Variants in ZNF71 observed in about 807,000 individuals in gnomAD.
The protein encoded by ZNF71 is endothelial zinc finger protein induced by tumor necrosis factor alpha.
A neutral mutation model predicts 6.7 loss-of-function variants in ZNF71; 3 were observed. That is an observed-to-expected ratio of 0.45 (90% CI 0.20 to 1.16). The LOEUF is 1.16. ZNF71 is among the 50% of genes most tolerant of loss of function. The pLI is 0.25. For missense variants in ZNF71, 688 were observed against 728.6 expected, an observed-to-expected ratio of 0.94 and a Z score of 0.64; for synonymous variants, 343 against 311.1, an observed-to-expected ratio of 1.10 and a Z score of -1.08.
intron 2 of ZNF71, among the ~76,000 whole-genome samples, chr19:56,605,834 C>T (rs766546114): frequency 6.6e-5 from 10 of 152,204 alleles, no homozygotes; most frequent in Non-Finnish European, 1.3e-4. Context: ...AGGCAAAAGA[C>T]GTGCCATCCA....
chr19:56,609,038 T>C (rs1401736246), intron 2 of ZNF71, among the ~76,000 whole-genome samples: 1 of 152,232 alleles, frequency 6.6e-6, no homozygotes, highest in Admixed American at 6.5e-5. Context: ...GACATCTTTG[T>C]GCATGAAGCT....
chr19:56,600,191 T>A (rs2044659297), intron 1 of ZNF71, among the ~76,000 whole-genome samples: 1 of 34,452 alleles, frequency 2.9e-5, no homozygotes, highest in South Asian at 1.2e-3. Flanking sequence ...CTGTATTTTT[T>A]TTTTTTTTTT....
chr19:56,598,416 T>C lies in ZNF71; in HGVS notation c.-53+2988T>C, dbSNP rs2044642207. Among the ~76,000 whole-genome samples the C allele has an allele frequency of 6.6e-6, 1 of 152,044 alleles. No homozygotes were observed. The highest frequency in any genetic ancestry group is 1.5e-5 in the Non-Finnish European group (1 of 68,018). ...GAAGACTTTGAGTGATTTCTAATGG[T>C]GGGGGAAGCCAACGAAGAGTTTTGA... is the stretch of plus-strand genomic sequence containing the variant. On this transcript the variant is annotated intron_variant, in intron 1 of 3. Transcript: ENST00000599599. This position sits in a 1 kb window ranked among gnomAD's most constrained non-coding sequence, Gnocchi z 4.2.
Position 56,613,985 on chromosome 19 carries a change from A to G in ZNF71, c.160+47A>G. 1 of 1,057,398 alleles carries G rather than the reference A, an allele frequency of 9.5e-7. No individual in the cohort carries two copies. The allele number at this position is 1,057,398 out of a possible 1,614,324, so 65.5% of individuals were successfully genotyped here. On this transcript the variant is annotated intron_variant, in intron 3 of 3. Coordinates refer to ENST00000599599, the MANE Select transcript of ZNF71 (RefSeq NM_001370215.1). The surrounding 1 kb of genome is among the most constrained non-coding windows in gnomAD (Gnocchi z 4.6). ...TTACTCATCATTGGCCCATAACTTC[A>G]GGACCACAAATAAATTAAAAAAAAA...
intron 3 of ZNF71, among the ~76,000 whole-genome samples, chr19:56,620,381 G>A (rs2044834414): frequency 6.6e-6 from 1 of 152,132 alleles, no homozygotes; most frequent in Admixed American, 6.5e-5. Context: ...GAAGCCAGTG[G>A]GCAAAGTCAG....
chr19:56,611,551 C>T (rs1421760485), intron 2 of ZNF71, among the ~76,000 whole-genome samples: 5 of 152,118 alleles, frequency 3.3e-5, no homozygotes, highest in African/African-American at 7.2e-5. Flanking sequence ...AGTCAAAGCC[C>T]GCAGATCTCT....
chr19:56,603,836 A>T lies in ZNF71; in HGVS notation c.33+2245A>T, dbSNP rs1472742140. Among the ~76,000 whole-genome samples the T allele has an allele frequency of 1.7e-5, 2 of 118,868 alleles. No homozygotes were observed. The highest frequency in any genetic ancestry group is 6.9e-5 in the African/African-American group (2 of 28,968). 78.0% of individuals were successfully genotyped at this position (118,868 alleles called of 152,430 possible). On this transcript the variant is annotated intron_variant, in intron 2 of 3. Coordinates refer to ENST00000599599, the MANE Select transcript of ZNF71 (RefSeq NM_001370215.1). The surrounding 1 kb of genome is among the most constrained non-coding windows in gnomAD (Gnocchi z 4.6). ...GTAATTACATTCAATTTTTAAAAAAAATTGAGCCTGTCTGGTTTCAGCGTT... is the reference window on the plus strand; with the variant it reads ...GTAATTACATTCAATTTTTAAAAAATATTGAGCCTGTCTGGTTTCAGCGTT...
chr19:56,608,075 A>G (rs1452479064), intron 2 of ZNF71, among the ~76,000 whole-genome samples: 8 of 146,560 alleles, frequency 5.5e-5, no homozygotes, highest in Non-Finnish European at 1.1e-4. Flanking sequence ...TATGATCTTT[A>G]TAACCTTTTT....
intron 3 of ZNF71, among the ~76,000 whole-genome samples, chr19:56,620,283 A>G (rs965176529): frequency 6.6e-6 from 1 of 152,156 alleles, no homozygotes; most frequent in Non-Finnish European, 1.5e-5. Flanking sequence ...TGGGGCAGCC[A>G]TACCAGAGAA....
intron 3 of ZNF71, among the ~76,000 whole-genome samples, chr19:56,617,994 C>A (rs1258250541): frequency 1.6e-5 from 2 of 126,494 alleles, no homozygotes; most frequent in Non-Finnish European, 3.4e-5. Context: ...TCACCATCAC[C>A]CCTGGAGACA....
chr19:56,619,527 G>A (rs1277764507), intron 3 of ZNF71, among the ~76,000 whole-genome samples: 1 of 152,174 alleles, frequency 6.6e-6, no homozygotes, highest in Non-Finnish European at 1.5e-5. Context: ...GATGTGTTAG[G>A]CTTGGGCTAT....
Position 56,617,107 on chromosome 19 carries a change from C to CTTTTTTTTTTTTTTTTTTTTTTT in ZNF71, c.160+3173_160+3174insTTTTTTTTTTTTTTTTTTTTTTT, listed in dbSNP as rs200131241. 2.6e-5 allele frequency among the ~76,000 whole-genome samples: 3 copies of CTTTTTTTTTTTTTTTTTTTTTTT among 117,094 alleles called. 1 individual carries two copies. Among genetic ancestry groups the CTTTTTTTTTTTTTTTTTTTTTTT allele is most frequent in the African/African-American group, 7.8e-5 (2 of 25,478 alleles). The allele number at this position is 117,094 out of a possible 152,430, so 76.8% of individuals were successfully genotyped here. A position where few individuals can be genotyped will look rare whatever the true frequency, so the allele number is the denominator to read the frequency against. On this transcript the variant is annotated intron_variant, in intron 3 of 3. Transcript: ENST00000599599. ...TAAGATTACAGGAGACTTCCATTTTCTTTTGTTTTTTTTTGTTTTTTTTGA... is the reference window on the plus strand; with the variant it reads ...TAAGATTACAGGAGACTTCCATTTTCTTTTTTTTTTTTTTTTTTTTTTTTTTTGTTTTTTTTTGTTTTTTTTGA...
intron 3 of ZNF71, among the ~76,000 whole-genome samples, chr19:56,615,817 G>A (rs192749883): frequency 1.3e-5 from 2 of 151,988 alleles, no homozygotes; most frequent in Admixed American, 1.3e-4. Flanking sequence ...TCTATTTTTT[G>A]TTGTTCTCGT....
intron 1 of ZNF71, 128 bp downstream of exon 1, chr19:56,595,556 C>T (rs1360586804): frequency 6.3e-6 from 1 of 159,122 alleles, no homozygotes; most frequent in African/African-American, 2.4e-5. Flanking sequence ...AGCTGAGGGG[C>T]TAAGGAGAGG....
intron 2 of ZNF71, among the ~76,000 whole-genome samples, chr19:56,609,192 G>A (rs2044731522): frequency 2.6e-5 from 4 of 152,082 alleles, no homozygotes; most frequent in Admixed American, 6.5e-5. Flanking sequence ...TTAGTAAACT[G>A]GGAAAATGAA....
At chr19:56,616,790 C>A (rs984616580) in intron 3 of ZNF71, among the ~76,000 whole-genome samples, 1 of 152,150 alleles carries the variant, frequency 6.6e-6, no homozygotes, top group Non-Finnish European at 1.5e-5. Flanking sequence ...CCAGACTGTA[C>A]CTCAATTTAC....
chr19:56,618,436 T>G lies in ZNF71; in HGVS notation c.161-2832T>G, dbSNP rs1334434420. ...ACTCGCTTATCTGGTACCTTCTGTG[T>G]GCAGGCTGTGTGAGGAGCTGGGGGG... is the stretch of plus-strand genomic sequence containing the variant. On this transcript the variant is annotated intron_variant, in intron 3 of 3. Coordinates refer to ENST00000599599, the MANE Select transcript of ZNF71 (RefSeq NM_001370215.1). The surrounding 1 kb of genome is among the most constrained non-coding windows in gnomAD (Gnocchi z 4.6). Among the ~76,000 whole-genome samples the G allele has an allele frequency of 6.6e-6, 1 of 152,186 alleles. No homozygotes were observed. Among genetic ancestry groups the G allele is most frequent in the African/African-American group, 2.4e-5 (1 of 41,450 alleles).
intron 1 of ZNF71, among the ~76,000 whole-genome samples, chr19:56,596,182 A>T (rs2044621537): frequency 6.6e-6 from 1 of 151,330 alleles, no homozygotes; most frequent in South Asian, 2.1e-4. Flanking sequence ...GGTGTCCACT[A>T]TGTCTGCTCT....
In ZNF71 at chr19:56,609,345, C is replaced by G. The variant is rs530334680; in HGVS notation, c.34-4467C>G. Among the ~76,000 whole-genome samples, 6 of 152,134 alleles carry G rather than the reference C, an allele frequency of 3.9e-5. 1 individual carries two copies. The South Asian group carries it at 1.2e-3, about 32-fold the overall frequency. On this transcript the variant is annotated intron_variant, in intron 2 of 3. Transcript: ENST00000599599. The stretch of plus-strand genomic sequence containing the variant: ...AAAGTAGACACATTAATATCCAGTG[C>G]TTTTTAGTTTATTTACAGTTATGCA...
Sources: allele counts gnomAD v4.1 joint callset (sites outside exome capture counted in the v4.1 genomes callset), GRCh38; gene constraint gnomAD v4.1.1; non-coding constraint Gnocchi (gnomAD v3.1); transcripts MANE v1.5; gene names NCBI Gene and HGNC (gene_info 2026-07-23, HGNC 2026-07-21).